SIK3: variants seen among roughly 807,000 people sequenced by gnomAD.
SIK3 encodes the protein SIK family kinase 3, also known as serine/threonine-protein kinase SIK3.
In SIK3, 28 loss-of-function variants were observed where a neutral mutation model predicts 144.2. The ratio of observed to expected loss-of-function variants is 0.19; its 90% CI spans 0.14 to 0.27. The LOEUF (loss-of-function observed/expected upper bound fraction) is 0.27. Ranked by LOEUF, SIK3 falls within the 10% of genes least tolerant of loss-of-function variation. SIK3 has a pLI of 1.00. For synonymous variants in SIK3, 686 were observed against 676.3 expected (o/e 1.01, Z -0.22); for missense variants, 1,319 against 1,776.0 (o/e 0.74, Z 4.62).
At chr11:116,987,709 A>C (rs1950368864) in intron 1 of SIK3, among the ~76,000 whole-genome samples, 1 of 152,224 alleles carries the variant, frequency 6.6e-6, no homozygotes, top group South Asian at 2.1e-4. Flanking sequence ...CTAGCACAGC[A>C]ACAAACTAAA....
intron 4 of SIK3, among the ~76,000 whole-genome samples, chr11:116,926,077 A>G (rs1565459530): frequency 6.6e-6 from 1 of 152,226 alleles, no homozygotes; most frequent in African/African-American, 2.4e-5. Flanking sequence ...TTGACCTATG[A>G]TAAAAATCCA....
chr11:116,953,948 T>G (rs1485325516), intron 3 of SIK3, 96 bp downstream of exon 3: 11 of 858,758 alleles, frequency 1.3e-5, no homozygotes, highest in Non-Finnish European at 1.9e-5. Flanking sequence ...CAGCATCAAG[T>G]GACTGCTGCT....
intron 4 of SIK3, among the ~76,000 whole-genome samples, chr11:116,918,893 C>A (rs537737230): frequency 6.6e-6 from 1 of 152,288 alleles, no homozygotes; most frequent in African/African-American, 2.4e-5. Context: ...TCCCAAGGGT[C>A]AACGTGCAGG....
chr11:117,073,304 A>G (rs553046859), intron 1 of SIK3, among the ~76,000 whole-genome samples: 2 of 152,286 alleles, frequency 1.3e-5, no homozygotes, highest in South Asian at 2.1e-4. Context: ...CAAATCATCC[A>G]TAACAGACAA....
intron 1 of SIK3, among the ~76,000 whole-genome samples, chr11:117,018,719 T>A (rs576960145): frequency 2.0e-4 from 30 of 149,750 alleles, no homozygotes; most frequent in South Asian, 4.2e-4. Flanking sequence ...TTATTTTATT[T>A]ATTTTTTTTT....
intron 3 of SIK3, among the ~76,000 whole-genome samples, chr11:116,928,751 G>T (rs1947426055): frequency 6.6e-6 from 1 of 152,058 alleles, no homozygotes; most frequent in Non-Finnish European, 1.5e-5. Context: ...ATAACATTCT[G>T]GAATGCAAAT....
intron 1 of SIK3, among the ~76,000 whole-genome samples, chr11:116,999,579 G>GTTTTCTTTTC (rs113577777): frequency 2.4e-4 from 36 of 151,384 alleles, no homozygotes; most frequent in Admixed American, 9.2e-4. Flanking sequence ...GTGGCATTTT[G>GTTTTCTTTTC]TTTTCTTTTC....
chr11:116,855,198 C>G (rs1335532928), intron 21 of SIK3: 1 of 151,454 alleles, frequency 6.6e-6, no homozygotes, highest in Non-Finnish European at 1.5e-5. Flanking sequence ...TTCATGTACA[C>G]TGTACTTCAA....
chr11:117,097,243 C>T (rs545407231), intron 1 of SIK3, among the ~76,000 whole-genome samples: 77 of 152,130 alleles, frequency 5.1e-4, no homozygotes, highest in Non-Finnish European at 9.3e-4. Context: ...GAACTAAGGG[C>T]TCGATGAGTG....
In SIK3 at chr11:116,859,285, A is replaced by T; in HGVS notation, c.2745T>A (p.Ala915=). ...GHRPLSKQLS[A]DSAEAHSLNV... ...CTTACCTGTGAGCCTCTGCACTGTC[A>T]GCACTCAGCTGCTTGGACAAGGGAC... is the stretch of plus-strand genomic sequence containing the variant. The change falls in exon 20 of 25, where the codon GCT becomes GCA. Residue 915 remains alanine, a synonymous_variant. Transcript: ENST00000445177. The T allele has an allele frequency of 6.2e-7, 1 of 1,610,280 alleles. No individual in the cohort carries two copies. Among genetic ancestry groups the T allele is most frequent in the Non-Finnish European group, 8.5e-7 (1 of 1,177,196 alleles).
At chr11:116,941,414 A>C (rs1198758868) in intron 3 of SIK3, among the ~76,000 whole-genome samples, 1 of 151,690 alleles carries the variant, frequency 6.6e-6, no homozygotes, top group Non-Finnish European at 1.5e-5. Flanking sequence ...CATGTAAAAA[A>C]AAAAAAAAAG....
At chr11:116,950,184 T>C in intron 3 of SIK3, 2 of 470,646 alleles carry the variant, frequency 4.2e-6, no homozygotes, top group South Asian at 1.5e-5. Flanking sequence ...CCCCCATCTC[T>C]TAACTGCACT....
At chr11:116,874,493 GGCTATCTT>G (rs1944139027) in intron 11 of SIK3, among the ~76,000 whole-genome samples, 1 of 152,190 alleles carries the variant, frequency 6.6e-6, no homozygotes, top group Non-Finnish European at 1.5e-5. Context: ...AGATGTACAG[GGCTATCTT>G]GCTACAATGA....
chr11:117,026,080 T>C (rs1417683642), intron 1 of SIK3, among the ~76,000 whole-genome samples: 2 of 152,186 alleles, frequency 1.3e-5, no homozygotes, highest in Non-Finnish European at 2.9e-5. Context: ...GGGGGAAATG[T>C]AGATAAAGGA....
chr11:116,878,866 G>A (rs563392412), intron 6 of SIK3, among the ~76,000 whole-genome samples: 241 of 152,222 alleles, frequency 1.6e-3, no homozygotes, highest in African/African-American at 4.7e-3. Flanking sequence ...GAGTTTAAAC[G>A]TCACTTCCTC....
At chr11:117,028,532 A>C (rs11216240) in intron 1 of SIK3, among the ~76,000 whole-genome samples, 1 of 151,588 alleles carries the variant, frequency 6.6e-6, no homozygotes, top group African/African-American at 2.4e-5. Context: ...AGCCCTTAAC[A>C]ATTCCTATAG....
intron 1 of SIK3, among the ~76,000 whole-genome samples, chr11:116,982,699 T>C (rs1048312134): frequency 1.5e-4 from 23 of 151,266 alleles, no homozygotes; most frequent in Admixed American, 1.5e-3. Flanking sequence ...CTCACACCTG[T>C]AATCCCAGCA....
At chr11:117,093,685 AAAG>A (rs1955345686) in intron 1 of SIK3, among the ~76,000 whole-genome samples, 1 of 152,014 alleles carries the variant, frequency 6.6e-6, no homozygotes, top group African/African-American at 2.4e-5. Flanking sequence ...AAAAAAAAAA[AAAG>A]TTTAACTAAT....
intron 1 of SIK3, among the ~76,000 whole-genome samples, chr11:117,078,826 C>A (rs1162823096): frequency 6.6e-6 from 1 of 152,082 alleles, no homozygotes; most frequent in Non-Finnish European, 1.5e-5. Context: ...CAGTGGGGTG[C>A]CAACACAATC....
Sources: allele counts gnomAD v4.1 joint callset (sites outside exome capture counted in the v4.1 genomes callset), GRCh38; gene constraint gnomAD v4.1.1; transcripts MANE v1.5; gene names NCBI Gene and HGNC (gene_info 2026-07-23, HGNC 2026-07-21).